The following PTPRD variants were observed in gnomAD, a reference collection of about 807,000 sequenced individuals.
The protein encoded by PTPRD is receptor-type tyrosine-protein phosphatase delta.
In PTPRD, 34 loss-of-function variants were observed where a neutral mutation model predicts 214.5. That is an observed-to-expected ratio of 0.16 (90% CI 0.12 to 0.21). PTPRD has a LOEUF of 0.21. Among genes scored for constraint, PTPRD ranks in the 10% least tolerant of loss-of-function variants. PTPRD has a pLI of 1.00. For missense variants in PTPRD, 2,545 were observed against 2,398.7 expected, an observed-to-expected ratio of 1.06 and a Z score of -1.27; for synonymous variants, 1,128 against 845.7, an observed-to-expected ratio of 1.33 and a Z score of -5.79.
chr9:9,944,015 GT>G (rs1318396104), intron 4 of PTPRD, among the ~76,000 whole-genome samples: 1 of 152,056 alleles, frequency 6.6e-6, no homozygotes, highest in African/African-American at 2.4e-5. Context: ...GTATCTAAAA[GT>G]TGGAAAACTC....
intron 10 of PTPRD, among the ~76,000 whole-genome samples, chr9:9,181,149 A>C (rs1174305709): frequency 6.6e-6 from 1 of 151,956 alleles, no homozygotes; most frequent in African/African-American, 2.4e-5. Context: ...TATGAAGATA[A>C]CATAGAAAGC....
At chr9:9,244,977 G>C (rs2099972320) in intron 9 of PTPRD, among the ~76,000 whole-genome samples, 1 of 152,088 alleles carries the variant, frequency 6.6e-6, no homozygotes, top group African/African-American at 2.4e-5. Flanking sequence ...GTGAGTGAAG[G>C]ATAAGAACAG....
At chr9:8,726,509 A>T (rs1157847826) in intron 12 of PTPRD, among the ~76,000 whole-genome samples, 1 of 142,698 alleles carries the variant, frequency 7.0e-6, no homozygotes, top group Non-Finnish European at 1.5e-5. Flanking sequence ...AGGCAGGTGG[A>T]TCCCCTGAAG....
chr9:10,604,116 G>T (rs969819243), intron 2 of PTPRD, among the ~76,000 whole-genome samples: 24 of 151,724 alleles, frequency 1.6e-4, no homozygotes, highest in Non-Finnish European at 1.3e-4. Flanking sequence ...AATAGGAAGA[G>T]AACTGATGAG....
intron 5 of PTPRD, among the ~76,000 whole-genome samples, chr9:9,847,744 T>G (rs2059804814): frequency 6.6e-6 from 1 of 152,046 alleles, no homozygotes; most frequent in African/African-American, 2.4e-5. Context: ...TTACCAGAAC[T>G]ATCTGGTGCC....
At chr9:9,697,442 T>C (rs2097399962) in intron 7 of PTPRD, among the ~76,000 whole-genome samples, 1 of 152,126 alleles carries the variant, frequency 6.6e-6, no homozygotes, top group Admixed American at 6.6e-5. Flanking sequence ...AATAGCTTTG[T>C]TGGGTACATA....
intron 11 of PTPRD, among the ~76,000 whole-genome samples, chr9:8,772,491 A>C (rs1439700051): frequency 6.6e-6 from 1 of 151,870 alleles, no homozygotes; most frequent in African/African-American, 2.4e-5. Context: ...TCTACAAAAA[A>C]TTGAAAAATC....
At chr9:9,032,139 TG>T in intron 10 of PTPRD, among the ~76,000 whole-genome samples, 1 of 152,080 alleles carries the variant, frequency 6.6e-6, no homozygotes, top group East Asian at 1.9e-4. Context: ...TGAGGGTCTG[TG>T]GGTTGTAGGA....
At chr9:9,598,077 C>T (rs1703479125) in intron 7 of PTPRD, among the ~76,000 whole-genome samples, 1 of 151,988 alleles carries the variant, frequency 6.6e-6, no homozygotes, top group Admixed American at 6.6e-5. Flanking sequence ...GGGCAAACTG[C>T]ACACAGTTAG....
At chr9:8,776,345 C>A (rs73427015) in intron 11 of PTPRD, among the ~76,000 whole-genome samples, 4 of 152,084 alleles carry the variant, frequency 2.6e-5, no homozygotes, top group African/African-American at 9.7e-5. Flanking sequence ...TCACATCGCC[C>A]AGGCTGGAGT....
intron 7 of PTPRD, among the ~76,000 whole-genome samples, chr9:9,651,549 C>A (rs1253081483): frequency 6.6e-6 from 1 of 152,100 alleles, no homozygotes; most frequent in African/African-American, 2.4e-5. Flanking sequence ...CCAGCTCCAT[C>A]CATGTCCTGC....
intron 8 of PTPRD, among the ~76,000 whole-genome samples, chr9:9,510,536 T>A (rs1246981135): frequency 2.0e-5 from 3 of 151,666 alleles, no homozygotes; most frequent in African/African-American, 7.2e-5. Flanking sequence ...GGTACTTCAT[T>A]TTCATTTCAA....
chr9:9,001,756 C>T (rs2099419459), intron 11 of PTPRD, among the ~76,000 whole-genome samples: 1 of 152,022 alleles, frequency 6.6e-6, no homozygotes, highest in Non-Finnish European at 1.5e-5. Context: ...AGCCTACTAA[C>T]CCGCTCTTTT....
chr9:9,125,903 A>G (rs1230290474), intron 10 of PTPRD, among the ~76,000 whole-genome samples: 1 of 152,192 alleles, frequency 6.6e-6, no homozygotes, highest in Non-Finnish European at 1.5e-5. Context: ...GAGCTGAAAC[A>G]TGAAAGAAAT....
At chr9:9,499,932 G>A (rs576857498) in intron 8 of PTPRD, among the ~76,000 whole-genome samples, 1 of 152,108 alleles carries the variant, frequency 6.6e-6, no homozygotes, top group South Asian at 2.1e-4. Flanking sequence ...TCCATACCAA[G>A]CAGAAGTGAT....
At chr9:10,444,016 T>G (rs941533978) in intron 2 of PTPRD, among the ~76,000 whole-genome samples, 1 of 151,702 alleles carries the variant, frequency 6.6e-6, no homozygotes, top group African/African-American at 2.4e-5. Flanking sequence ...TTGCCCAACA[T>G]TCATATTCCT....
chr9:9,084,968 A>C (rs1022561937), intron 10 of PTPRD, among the ~76,000 whole-genome samples: 12 of 152,292 alleles, frequency 7.9e-5, no homozygotes, highest in African/African-American at 2.6e-4. Flanking sequence ...ACAGACAGGG[A>C]AAGATTATTT....
intron 10 of PTPRD, among the ~76,000 whole-genome samples, chr9:9,057,513 A>G (rs2099698566): frequency 6.6e-6 from 1 of 152,226 alleles, no homozygotes; most frequent in African/African-American, 2.4e-5. Context: ...GAAGCCTGAA[A>G]TTTTAGATTT....
intron 10 of PTPRD, among the ~76,000 whole-genome samples, chr9:9,083,355 G>A (rs907938683): frequency 6.6e-6 from 1 of 152,090 alleles, no homozygotes; most frequent in Admixed American, 6.6e-5. Flanking sequence ...GCTATATGCA[G>A]AAAACTGAAA....
Sources: allele counts gnomAD v4.1 joint callset (sites outside exome capture counted in the v4.1 genomes callset), GRCh38; gene constraint gnomAD v4.1.1; transcripts MANE v1.5; gene names NCBI Gene and HGNC (gene_info 2026-07-23, HGNC 2026-07-21).